TNFAIP8L1: variants seen among roughly 807,000 people sequenced by gnomAD.
TNFAIP8L1 encodes TNF alpha induced protein 8 like 1, also known as tumor necrosis factor alpha-induced protein 8-like protein 1.
For synonymous variants in TNFAIP8L1, 127 were observed against 125.6 expected (o/e 1.01, Z -0.08); for missense variants, 225 against 266.1 (o/e 0.85, Z 1.08).
rs985776654 is a variant in TNFAIP8L1 at position 4,651,835 on chromosome 19, C to G, written c.-3-32C>G. ...TCTGTGTGAGGAGTGCCCCAACGTG[C>G]AAAACTGAGGGCTGGTCTGTGTCCC... is the stretch of plus-strand genomic sequence containing the variant. On this transcript the variant is annotated intron_variant, in intron 1 of 1. Coordinates refer to ENST00000327473, the MANE Select transcript of TNFAIP8L1 (RefSeq NM_152362.3). The G allele has an allele frequency of 1.9e-6, 3 of 1,557,498 alleles. No individual in the cohort carries two copies. The African/African-American group carries it at 4.1e-5, about 21-fold the overall frequency.
At chr19:4,643,580 T>G (rs2088282783) in intron 1 of TNFAIP8L1, among the ~76,000 whole-genome samples, 1 of 152,250 alleles carries the variant, frequency 6.6e-6, no homozygotes, top group African/African-American at 2.4e-5. Context: ...GAACCCAGTT[T>G]GAGAACAACT....
intron 1 of TNFAIP8L1, among the ~76,000 whole-genome samples, chr19:4,648,559 A>G (rs556968265): frequency 6.6e-6 from 1 of 152,322 alleles, no homozygotes; most frequent in South Asian, 2.1e-4. Context: ...AAGGGAGGCC[A>G]CAGCTGCTTG....
Position 4,652,088 on chromosome 19 carries a change from G to C in TNFAIP8L1, c.219G>C (p.Leu73=), listed in dbSNP as rs1338702550. 3 of 1,602,604 alleles carry C rather than the reference G, an allele frequency of 1.9e-6. No individual in the cohort carries two copies. Among genetic ancestry groups the C allele is most frequent in the Admixed American group, 3.4e-5 (2 of 58,112 alleles). ...AGGTGGCCCTGAAGCTGGGACTGCT[G>C]CTGCGTGGGGACCAGCTGGGCGGTG... is the stretch of plus-strand genomic sequence containing the variant. ...LVKVALKLGL[L]LRGDQLGGEE... Residue 73 remains leucine (L), a synonymous_variant, in exon 2 of 2, where the codon CTG becomes CTC. Coordinates refer to ENST00000327473, the MANE Select transcript of TNFAIP8L1 (RefSeq NM_152362.3).
Position 4,650,915 on chromosome 19 carries a change from C to T in TNFAIP8L1, c.-3-952C>T, listed in dbSNP as rs543846241. On this transcript the variant is annotated intron_variant, in intron 1 of 1. Transcript: ENST00000327473. Reference sequence around the variant, plus strand: ...AGGAGAATGGCGTGAGCCCAGGAGGCGGAGCTTGCAGTGAGCCGAGATCGT... The same window carrying T: ...AGGAGAATGGCGTGAGCCCAGGAGGTGGAGCTTGCAGTGAGCCGAGATCGT... 4.1e-4 allele frequency among the ~76,000 whole-genome samples: 63 copies of T among 152,216 alleles called. 1 individual carries two copies. In the South Asian group the frequency reaches 0.012, roughly 29 times the overall value.
chr19:4,651,907 C>T lies in TNFAIP8L1; in HGVS notation c.38C>T (p.Ala13Val), dbSNP rs1295338754. 6 of 1,611,568 alleles carry T rather than the reference C, an allele frequency of 3.7e-6. No homozygotes were observed. Among genetic ancestry groups the T allele is most frequent in the African/African-American group, 1.3e-5 (1 of 74,894 alleles). ...TFSTKSLALQ[A>V]QKKLLSKMAS... ...AGCACCAAGAGCCTGGCTCTGCAGGCGCAGAAGAAGCTCCTGAGTAAGATG... is the reference window on the plus strand; with the variant it reads ...AGCACCAAGAGCCTGGCTCTGCAGGTGCAGAAGAAGCTCCTGAGTAAGATG... Residue 13 changes from alanine (A) to valine (V), a missense_variant, in exon 2 of 2, where the codon GCG becomes GTG. Physicochemically the swap from Ala to Val is moderately conservative, Grantham distance 64. Coordinates refer to ENST00000327473, the MANE Select transcript of TNFAIP8L1 (RefSeq NM_152362.3).
At position 4,643,718 on chromosome 19, in the gene TNFAIP8L1, G is replaced by A. The variant is rs975273431; in HGVS notation, c.-4+4089G>A. On this transcript the variant is annotated intron_variant, in intron 1 of 1. Coordinates refer to ENST00000327473, the MANE Select transcript of TNFAIP8L1 (RefSeq NM_152362.3). ...TCTGGGAGGCCGAAGCAGGAGGATC[G>A]CTTGAGCCCAGGAGGAGACCAGCCT... Among the ~76,000 whole-genome samples, 11 of 152,052 alleles carry A rather than the reference G, an allele frequency of 7.2e-5. No homozygotes were observed. The East Asian group carries it at 7.7e-4, about 11-fold the overall frequency.
chr19:4,647,171 G>T (rs926895090), intron 1 of TNFAIP8L1, among the ~76,000 whole-genome samples: 1 of 152,186 alleles, frequency 6.6e-6, no homozygotes, highest in Non-Finnish European at 1.5e-5. Flanking sequence ...GGGTCACGCC[G>T]CTGTAAACTG....
chr19:4,652,369 G>C lies in TNFAIP8L1; in HGVS notation c.500G>C (p.Arg167Pro). 1 of 1,555,232 alleles carries C rather than the reference G, an allele frequency of 6.4e-7. No homozygotes were observed. The highest frequency in any genetic ancestry group is 1.4e-5 in the African/African-American group (1 of 73,408). The change falls in exon 2 of 2, where the codon CGC (arginine) becomes CCC (proline). Residue 167 changes from arginine (R) to proline (P), a missense_variant. By Grantham distance (103) the Arg-to-Pro change is moderately radical. Coordinates refer to ENST00000327473, the MANE Select transcript of TNFAIP8L1 (RefSeq NM_152362.3). ...CTCTACGGCCCCGCCGAGCCCTACC[G>C]CTCCCACCTGCGCAGGATCTGCGAG... Reference protein sequence around the residue: ...AALYGPAEPYRSHLRRICEGL... With the variant: ...AALYGPAEPYPSHLRRICEGL...
At chr19:4,646,962 C>G (rs183460747) in intron 1 of TNFAIP8L1, among the ~76,000 whole-genome samples, 18 of 152,322 alleles carry the variant, frequency 1.2e-4, no homozygotes, top group Admixed American at 1.0e-3. Flanking sequence ...GGATCACACA[C>G]TTTGTGGCCT....
At chr19:4,643,041 G>A (rs551918442) in intron 1 of TNFAIP8L1, among the ~76,000 whole-genome samples, 1 of 152,164 alleles carries the variant, frequency 6.6e-6, no homozygotes, top group East Asian at 1.9e-4. Flanking sequence ...CACTTTGGGA[G>A]GCTGAGGCAA....
intron 1 of TNFAIP8L1, among the ~76,000 whole-genome samples, chr19:4,647,791 TAAAA>T (rs1022068078): frequency 1.3e-5 from 2 of 151,628 alleles, no homozygotes; most frequent in Non-Finnish European, 2.9e-5. Flanking sequence ...CCTGGCTAAT[TAAAA>T]AAAATTTTTT....
At position 4,653,846 on chromosome 19, in the gene TNFAIP8L1, G is replaced by A. The variant is rs1373107046; in HGVS notation, c.*1416G>A. On this transcript the variant is annotated 3_prime_UTR_variant, in exon 2 of 2. Coordinates refer to ENST00000327473, the MANE Select transcript of TNFAIP8L1 (RefSeq NM_152362.3). ...TAATCCCAGCTACTTGAGAGATGAC[G>A]AGGGAAGATCACTTGAGCCCAGGAG... 2.0e-5 allele frequency: 3 copies of A among 150,448 alleles called. No homozygotes were observed. The highest frequency in any genetic ancestry group is 4.2e-4 in the South Asian group (2 of 4,740). 9.3% of individuals were successfully genotyped at this position (150,448 alleles called of 1,614,324 possible).
intron 1 of TNFAIP8L1, among the ~76,000 whole-genome samples, chr19:4,647,296 G>A (rs1031478488): frequency 3.9e-5 from 6 of 152,012 alleles, no homozygotes; most frequent in African/African-American, 1.2e-4. Flanking sequence ...CTGAGGAGCC[G>A]TCGGACTGGG....
At chr19:4,646,897 T>C (rs2088317032) in intron 1 of TNFAIP8L1, among the ~76,000 whole-genome samples, 1 of 152,268 alleles carries the variant, frequency 6.6e-6, no homozygotes, top group South Asian at 2.1e-4. Flanking sequence ...CCCAAAGTGC[T>C]GGGATTGCAG....
chr19:4,644,050 C>T (rs544297191), intron 1 of TNFAIP8L1, among the ~76,000 whole-genome samples: 2 of 150,004 alleles, frequency 1.3e-5, no homozygotes, highest in Admixed American at 6.7e-5. Context: ...GAGAAAACCC[C>T]GTCTCTACTA....
At chr19:4,643,002 G>A (rs777806957) in intron 1 of TNFAIP8L1, among the ~76,000 whole-genome samples, 3 of 152,016 alleles carry the variant, frequency 2.0e-5, no homozygotes, top group South Asian at 4.2e-4. Flanking sequence ...GTTGCGTTAG[G>A]CCAGGCAGGG....
At chr19:4,647,314 GTTTTGTT>G (rs1228940171) in intron 1 of TNFAIP8L1, among the ~76,000 whole-genome samples, 1 of 151,926 alleles carries the variant, frequency 6.6e-6, no homozygotes, top group African/African-American at 2.4e-5. Flanking sequence ...GGGTTTTTTT[GTTTTGTT>G]TTTTGTTTTT....
chr19:4,642,524 A>T (rs1003458342), intron 1 of TNFAIP8L1: 7 of 152,104 alleles, frequency 4.6e-5, no homozygotes, highest in African/African-American at 1.7e-4. Context: ...TAAAATAAAT[A>T]AAATAGATGG....
intron 1 of TNFAIP8L1, among the ~76,000 whole-genome samples, chr19:4,651,195 CT>C (rs2088361053): frequency 6.6e-6 from 1 of 151,702 alleles, no homozygotes; most frequent in Admixed American, 6.6e-5. Context: ...ACGGAACCCC[CT>C]GTAACAATCA....
Sources: gnomAD v4.1 joint callset for allele counts (sites outside exome capture counted in the v4.1 genomes callset) on GRCh38, gnomAD v4.1.1 for gene constraint, MANE v1.5 for transcripts, NCBI Gene and HGNC (gene_info 2026-07-23, HGNC 2026-07-21) for gene names.